The following ADAM10 variants were observed in gnomAD, a reference collection of about 807,000 sequenced individuals.
The protein encoded by ADAM10 is ADAM metallopeptidase domain 10, also known as disintegrin and metalloproteinase domain-containing protein 10.
A neutral mutation model predicts 90.1 loss-of-function variants in ADAM10; 17 were observed. That is an observed-to-expected ratio of 0.19 (90% CI 0.13 to 0.28). The LOEUF is 0.28. Among genes scored for constraint, ADAM10 ranks in the 10% least tolerant of loss-of-function variants. The probability of loss-of-function intolerance (pLI) is 1.00; values close to 1 mark genes in which losing one functional copy is unlikely to be tolerated. For missense variants in ADAM10, 610 were observed against 914.3 expected (o/e 0.67, Z 4.29); for synonymous variants, 310 against 298.6 (o/e 1.04, Z -0.40).
At chr15:58,717,764 C>T (rs780544727) in intron 1 of ADAM10, 37 bp from the exon 2 acceptor site, 2 of 1,595,262 alleles carry the variant, frequency 1.3e-6, no homozygotes, top group South Asian at 2.2e-5. Flanking sequence ...TTAGTATCAT[C>T]TTGAAGACCC....
In ADAM10 at chr15:58,672,786, C is replaced by CAAAAAAAAAAAAAAAAAAAA. The variant is rs58659295; in HGVS notation, c.484+6318_484+6337dup. On this transcript the variant is annotated intron_variant, in intron 4 of 15. Coordinates refer to ENST00000260408, the MANE Select transcript of ADAM10 (RefSeq NM_001110.4). The stretch of plus-strand genomic sequence containing the variant: ...TGAGCTAAAGGAAGGCCTCATGCAG[C>CAAAAAAAAAAAAAAAAAAAA]AAAAAAAAAAAAAAAAAAAAAAAAG... 48 of 60,834 alleles carry CAAAAAAAAAAAAAAAAAAAA rather than the reference C, an allele frequency of 7.9e-4. 1 individual carries two copies. Among genetic ancestry groups the CAAAAAAAAAAAAAAAAAAAA allele is most frequent in the African/African-American group, 2.7e-3 (45 of 16,678 alleles). 3.8% of individuals were successfully genotyped at this position (60,834 alleles called of 1,614,324 possible).
intron 1 of ADAM10, among the ~76,000 whole-genome samples, chr15:58,718,939 T>C (rs1417661344): frequency 6.6e-6 from 1 of 152,146 alleles, no homozygotes; most frequent in Non-Finnish European, 1.5e-5. Flanking sequence ...AACCCATAAA[T>C]CTCTCAAGGC....
intron 4 of ADAM10, chr15:58,672,159 G>A (rs1897207495): frequency 6.6e-6 from 1 of 152,126 alleles, no homozygotes; most frequent in Admixed American, 6.5e-5. Flanking sequence ...CAACATGAAA[G>A]CTTTTTTTAT....
Position 58,749,499 on chromosome 15 carries a change from G to A in ADAM10, c.36C>T (p.Ser12=). The A allele has an allele frequency of 1.3e-6, 2 of 1,554,260 alleles. No individual in the cohort carries two copies. Among genetic ancestry groups the A allele is most frequent in the East Asian group, 2.5e-5 (1 of 40,760 alleles). Residue 12 remains serine (S), a synonymous_variant, in exon 1 of 16, where the codon TCC becomes TCT. Transcript: ENST00000260408. ...VLLRVLILLL[S]WAAGMGGQYG... is the part of the protein sequence containing the mutation. ...CCTCACCTCCCATCCCCGCCGCCCA[G>A]GAGAGGAGCAGAATTAACACTCTCA...
chr15:58,609,664 G>T (rs1895383283), intron 14 of ADAM10: 1 of 154,104 alleles, frequency 6.5e-6, no homozygotes, highest in South Asian at 2.0e-4. Flanking sequence ...ATATTTTAAT[G>T]TTATCACTTT....
intron 1 of ADAM10, among the ~76,000 whole-genome samples, chr15:58,747,113 C>T (rs140401164): frequency 6.6e-6 from 1 of 152,276 alleles, no homozygotes; most frequent in East Asian, 1.9e-4. Flanking sequence ...GAATTTACTG[C>T]TACAGCTGAA....
intron 10 of ADAM10, among the ~76,000 whole-genome samples, chr15:58,625,985 G>C (rs543151469): frequency 6.6e-6 from 1 of 152,190 alleles, no homozygotes; most frequent in South Asian, 2.1e-4. Flanking sequence ...AGGGTAGCAG[G>C]GGGGAGGAAG....
At chr15:58,628,388 T>C (rs1272185807) in intron 9 of ADAM10, among the ~76,000 whole-genome samples, 2 of 152,052 alleles carry the variant, frequency 1.3e-5, no homozygotes, top group East Asian at 3.9e-4. Flanking sequence ...GAAAGGTAAG[T>C]AAAAATGCTG....
At chr15:58,736,054 A>G (rs1040322713) in intron 1 of ADAM10, among the ~76,000 whole-genome samples, 1 of 152,198 alleles carries the variant, frequency 6.6e-6, no homozygotes, top group South Asian at 2.1e-4. Flanking sequence ...CTAGGTAATT[A>G]TATCTTGCTA....
chr15:58,724,051 T>C (rs1374021124), intron 1 of ADAM10, among the ~76,000 whole-genome samples: 3 of 151,580 alleles, frequency 2.0e-5, no homozygotes, highest in Non-Finnish European at 4.4e-5. Flanking sequence ...GCCAACATGG[T>C]GAAACCCTGT....
At chr15:58,616,014 A>G (rs1437473026) in intron 11 of ADAM10, among the ~76,000 whole-genome samples, 1 of 152,158 alleles carries the variant, frequency 6.6e-6, no homozygotes, top group African/African-American at 2.4e-5. Context: ...TCTCCAAAAA[A>G]AAACTGTGAA....
intron 1 of ADAM10, among the ~76,000 whole-genome samples, chr15:58,740,082 A>G (rs1173452668): frequency 6.6e-6 from 1 of 152,232 alleles, no homozygotes; most frequent in East Asian, 1.9e-4. Flanking sequence ...GTGAAGACAC[A>G]GATCAGTAAC....
At position 58,659,148 on chromosome 15, in the gene ADAM10, C is replaced by G. The variant is rs1261036622; in HGVS notation, c.585+5949G>C. ...ATTAGGTGGGCGTGGTGGTGCGCAC[C>G]TGTAATCCCAGCTACTCAGGAAGCT... is the stretch of plus-strand genomic sequence containing the variant. On this transcript the variant is annotated intron_variant, in intron 5 of 15. Transcript: ENST00000260408. Among the ~76,000 whole-genome samples, 5 of 151,984 alleles carry G rather than the reference C, an allele frequency of 3.3e-5. No individual in the cohort carries two copies. In the East Asian group the frequency reaches 7.7e-4, roughly 23 times the overall value.
At chr15:58,733,711 T>G (rs1899333377) in intron 1 of ADAM10, among the ~76,000 whole-genome samples, 1 of 152,026 alleles carries the variant, frequency 6.6e-6, no homozygotes, top group Non-Finnish European at 1.5e-5. Flanking sequence ...ATTCCAAAAA[T>G]ATTCTTTATT....
chr15:58,702,807 A>C (rs1352101294), intron 2 of ADAM10, among the ~76,000 whole-genome samples: 1 of 152,222 alleles, frequency 6.6e-6, no homozygotes, highest in African/African-American at 2.4e-5. Flanking sequence ...TTGTATCTAA[A>C]ACATACATGA....
At chr15:58,645,562 T>C (rs1045491311) in intron 6 of ADAM10, among the ~76,000 whole-genome samples, 2 of 152,182 alleles carry the variant, frequency 1.3e-5, no homozygotes, top group African/African-American at 4.8e-5. Context: ...TTTCAAATCC[T>C]TTGAGTCAAA....
chr15:58,691,075 C>A, intron 2 of ADAM10: 1 of 625,556 alleles, frequency 1.6e-6, no homozygotes. Context: ...AATGCCTGCG[C>A]TTTCATGATC....
chr15:58,607,853 C>A (rs1423010766), intron 14 of ADAM10, among the ~76,000 whole-genome samples: 2 of 152,038 alleles, frequency 1.3e-5, no homozygotes, highest in African/African-American at 4.8e-5. Context: ...ATGAAAGATA[C>A]AGAAAATCAG....
Position 58,665,309 on chromosome 15 carries a change from C to T in ADAM10, c.485-112G>A, listed in dbSNP as rs980081104. 4 of 866,790 alleles carry T rather than the reference C, an allele frequency of 4.6e-6. No individual in the cohort carries two copies. In the African/African-American group the frequency reaches 5.0e-5, roughly 11 times the overall value. 53.7% of individuals were successfully genotyped at this position (866,790 alleles called of 1,614,324 possible). ...TCTTAACTAATGAAAACCATAAATG[C>T]TTATTAAGCACCTATGGAAAAGGCA... is the stretch of plus-strand genomic sequence containing the variant. On this transcript the variant is annotated intron_variant, in intron 4 of 15. Coordinates refer to ENST00000260408, the MANE Select transcript of ADAM10 (RefSeq NM_001110.4).
Sources: gnomAD v4.1 joint callset for allele counts (sites outside exome capture counted in the v4.1 genomes callset) on GRCh38, gnomAD v4.1.1 for gene constraint, MANE v1.5 for transcripts, NCBI Gene and HGNC (gene_info 2026-07-23, HGNC 2026-07-21) for gene names.